SPHKAP: variants seen among roughly 807,000 people sequenced by gnomAD.
SPHKAP encodes the protein A-kinase anchor protein SPHKAP.
A neutral mutation model predicts 137.5 loss-of-function variants in SPHKAP; 67 were observed. The ratio of observed to expected loss-of-function variants is 0.49; its 90% confidence interval spans 0.40 to 0.60. The LOEUF (loss-of-function observed/expected upper bound fraction) is 0.60, where lower values mean the gene tolerates loss of function less well. Among genes scored for constraint, SPHKAP ranks in the 20% least tolerant of loss-of-function variants. SPHKAP has a pLI of 0.00. For missense variants in SPHKAP, 2,097 were observed against 2,069.3 expected (o/e 1.01, Z -0.26); for synonymous variants, 813 against 785.3 (o/e 1.04, Z -0.59).
intron 3 of SPHKAP, among the ~76,000 whole-genome samples, chr2:228,067,212 T>C (rs1034424710): frequency 6.6e-6 from 1 of 152,230 alleles, no homozygotes; most frequent in Non-Finnish European, 1.5e-5. Context: ...TTGCATCTTC[T>C]GTCTGAACAC....
chr2:228,164,002 T>C (rs1700350996), intron 1 of SPHKAP, among the ~76,000 whole-genome samples: 2 of 152,014 alleles, frequency 1.3e-5, no homozygotes, highest in Non-Finnish European at 2.9e-5. Context: ...TTTGGGTCAG[T>C]GGACTGGGAG....
chr2:228,019,966 C>A lies in SPHKAP; in HGVS notation c.888G>T (p.Leu296Phe). ...SPENLTKNTA[L>F]QSLDPSAKPS... ...GCTTGGCTGAGGGATCTAGACTCTG[C>A]AAGGCTGTGTTCTTTGTTAGGTTTT... Residue 296 changes from leucine (L) to phenylalanine (F), a missense_variant, in exon 7 of 12, where the codon TTG becomes TTT. Leu to Phe is a conservative substitution (Grantham distance 22). Transcript: ENST00000392056. 6.2e-7 allele frequency: 1 copy of A among 1,614,206 alleles called. No individual in the cohort carries two copies. Among genetic ancestry groups the A allele is most frequent in the Middle Eastern group, 1.6e-4 (1 of 6,062 alleles).
At chr2:228,031,911 A>T (rs1242638771) in intron 3 of SPHKAP, among the ~76,000 whole-genome samples, 3 of 152,250 alleles carry the variant, frequency 2.0e-5, no homozygotes, top group Non-Finnish European at 4.4e-5. Context: ...GACCAAAAGT[A>T]GATAAAGCCA....
intron 3 of SPHKAP, among the ~76,000 whole-genome samples, chr2:228,041,883 G>A (rs1007443637): frequency 1.3e-5 from 2 of 152,006 alleles, no homozygotes; most frequent in African/African-American, 4.8e-5. Context: ...GGAGATGGGA[G>A]CCATGTCCTG....
At chr2:228,120,112 T>C (rs973885859) in intron 2 of SPHKAP, among the ~76,000 whole-genome samples, 1 of 152,146 alleles carries the variant, frequency 6.6e-6, no homozygotes, top group African/African-American at 2.4e-5. Context: ...TGTGATTAGT[T>C]AGAAGGGTTG....
intron 1 of SPHKAP, among the ~76,000 whole-genome samples, chr2:228,154,841 G>C (rs867631346): frequency 1.9e-4 from 29 of 149,526 alleles, no homozygotes; most frequent in African/African-American, 6.9e-4. Context: ...TTACAGTCTT[G>C]AGCTACCTTG....
chr2:228,159,250 A>G (rs984678167), intron 1 of SPHKAP, among the ~76,000 whole-genome samples: 3 of 152,198 alleles, frequency 2.0e-5, no homozygotes, highest in African/African-American at 7.2e-5. Context: ...ATGAAGGAGA[A>G]CTCCATTTCT....
intron 5 of SPHKAP, among the ~76,000 whole-genome samples, chr2:228,022,775 G>T (rs778948785): frequency 1.3e-5 from 2 of 152,076 alleles, no homozygotes; most frequent in African/African-American, 2.4e-5. Flanking sequence ...ACGCTGTCTT[G>T]GTTACCTCTC....
intron 3 of SPHKAP, among the ~76,000 whole-genome samples, chr2:228,057,584 TG>T (rs1696490601): frequency 6.6e-6 from 1 of 151,692 alleles, no homozygotes; most frequent in Non-Finnish European, 1.5e-5. Context: ...GGAGGCAAGG[TG>T]GGGGCAAGGA....
chr2:228,005,976 T>G (rs1398305388), intron 7 of SPHKAP, among the ~76,000 whole-genome samples: 12 of 152,240 alleles, frequency 7.9e-5, no homozygotes, highest in Non-Finnish European at 1.8e-4. Context: ...CTTAACATTT[T>G]TTCCTTCATT....
At chr2:228,076,657 C>T (rs1334670611) in intron 3 of SPHKAP, among the ~76,000 whole-genome samples, 1 of 152,116 alleles carries the variant, frequency 6.6e-6, no homozygotes, top group African/African-American at 2.4e-5. Flanking sequence ...AGCAGCAAAG[C>T]ATTGAAGAGG....
intron 3 of SPHKAP, among the ~76,000 whole-genome samples, chr2:228,069,092 C>G (rs1355702615): frequency 6.6e-6 from 1 of 152,124 alleles, no homozygotes; most frequent in East Asian, 1.9e-4. Context: ...CATGGCAAAA[C>G]CCCGTCTCTA....
intron 1 of SPHKAP, among the ~76,000 whole-genome samples, chr2:228,149,514 G>C (rs1392839783): frequency 2.0e-5 from 3 of 152,178 alleles, no homozygotes; most frequent in Admixed American, 2.0e-4. Context: ...AAATATCAGA[G>C]ACATAAAGGC....
chr2:228,019,606 C>T lies in SPHKAP; in HGVS notation c.1248G>A (p.Gln416=), dbSNP rs750897411. Residue 416 remains glutamine (Q), a synonymous_variant, in exon 7 of 12, where the codon CAG becomes CAA. Coordinates refer to ENST00000392056, the MANE Select transcript of SPHKAP (RefSeq NM_001142644.2). ...RLSQSQSTLP[Q]ESAVSVSVGS... ...CTACAGAAACACTGACTGCAGATTC[C>T]TGGGGTAATGTGGACTGAGATTGAG... The T allele has an allele frequency of 3.1e-6, 5 of 1,614,070 alleles. No homozygotes were observed. The highest frequency in any genetic ancestry group is 4.2e-6 in the Non-Finnish European group (5 of 1,179,976).
intron 2 of SPHKAP, among the ~76,000 whole-genome samples, chr2:228,111,314 C>T (rs1698509336): frequency 6.6e-6 from 1 of 152,208 alleles, no homozygotes; most frequent in East Asian, 1.9e-4. Context: ...GCTGTGAATG[C>T]AGGTACTACT....
intron 6 of SPHKAP, among the ~76,000 whole-genome samples, chr2:228,021,258 A>G (rs1341809461): frequency 3.3e-5 from 5 of 152,194 alleles, no homozygotes; most frequent in Non-Finnish European, 7.3e-5. Context: ...CAAATTAGAC[A>G]AACAAACTAG....
At chr2:228,079,636 C>G (rs940084744) in intron 3 of SPHKAP, among the ~76,000 whole-genome samples, 1 of 152,216 alleles carries the variant, frequency 6.6e-6, no homozygotes, top group Non-Finnish European at 1.5e-5. Context: ...CAGTGCCTGA[C>G]CAGCCCCTGC....
chr2:228,072,648 C>T (rs1697039918), intron 3 of SPHKAP, among the ~76,000 whole-genome samples: 1 of 152,182 alleles, frequency 6.6e-6, no homozygotes, highest in African/African-American at 2.4e-5. Flanking sequence ...TGTAACATAG[C>T]TTCTAGCTGG....
At chr2:228,114,728 C>G (rs921522846) in intron 2 of SPHKAP, among the ~76,000 whole-genome samples, 1 of 152,112 alleles carries the variant, frequency 6.6e-6, no homozygotes, top group African/African-American at 2.4e-5. Flanking sequence ...CAACATTTGA[C>G]AATTCCTCTT....
Sources: gnomAD v4.1 joint callset for allele counts (sites outside exome capture counted in the v4.1 genomes callset) on GRCh38, gnomAD v4.1.1 for gene constraint, MANE v1.5 for transcripts, NCBI Gene and HGNC (gene_info 2026-07-23, HGNC 2026-07-21) for gene names.